The following CLASP1 variants were observed in gnomAD, a reference collection of about 807,000 sequenced individuals.
The protein encoded by CLASP1 is cytoplasmic linker associated protein 1.
A neutral mutation model predicts 192.3 loss-of-function variants in CLASP1; 38 were observed. The ratio of observed to expected loss-of-function variants is 0.20; its 90% CI spans 0.15 to 0.26. CLASP1 has a LOEUF of 0.26. Among genes scored for constraint, CLASP1 ranks in the 10% least tolerant of loss-of-function variants. CLASP1 has a pLI of 1.00. For missense variants in CLASP1, 1,433 were observed against 1,932.5 expected (o/e 0.74, Z 4.85); for synonymous variants, 691 against 712.8 (o/e 0.97, Z 0.49).
At chr2:121,502,568 A>T (rs966038160) in intron 8 of CLASP1, among the ~76,000 whole-genome samples, 1 of 152,232 alleles carries the variant, frequency 6.6e-6, no homozygotes, top group African/African-American at 2.4e-5. Context: ...AATGTTCAAA[A>T]TTAGCAAGGA....
intron 39 of CLASP1, among the ~76,000 whole-genome samples, chr2:121,343,083 C>T (rs1025680914): frequency 2.0e-5 from 3 of 152,030 alleles, no homozygotes; most frequent in African/African-American, 7.2e-5. Context: ...CATGCCAAGA[C>T]CGTTTAATAG....
At chr2:121,382,772 G>A (rs539717117) in intron 32 of CLASP1, among the ~76,000 whole-genome samples, 1 of 152,322 alleles carries the variant, frequency 6.6e-6, no homozygotes, top group South Asian at 2.1e-4. Flanking sequence ...TCGGACCAGA[G>A]GGACTCCAGC....
At chr2:121,480,425 A>G (rs985823039) in intron 8 of CLASP1, among the ~76,000 whole-genome samples, 1 of 152,180 alleles carries the variant, frequency 6.6e-6, no homozygotes, top group African/African-American at 2.4e-5. Flanking sequence ...CTGCTGCTAC[A>G]TAACTTATAA....
At chr2:121,630,465 C>T (rs1390861407) in intron 1 of CLASP1, among the ~76,000 whole-genome samples, 1 of 151,038 alleles carries the variant, frequency 6.6e-6, no homozygotes, top group Non-Finnish European at 1.5e-5. Context: ...TATCTAGTAC[C>T]CATCTCTAGA....
In CLASP1 at chr2:121,405,752, C is replaced by T. The variant is rs1157112224; in HGVS notation, c.2670-1318G>A. 3.9e-5 allele frequency among the ~76,000 whole-genome samples: 6 copies of T among 152,296 alleles called. 1 individual carries two copies. The highest frequency in any genetic ancestry group is 1.4e-4 in the African/African-American group (6 of 41,550). Reference sequence around the variant, plus strand: ...ATTAAACAGATTCTTGAGGAACAATCGTGACAAATCATCTTCTATTTTTGA... The same window carrying T: ...ATTAAACAGATTCTTGAGGAACAATTGTGACAAATCATCTTCTATTTTTGA... On this transcript the variant is annotated intron_variant, in intron 25 of 39. Coordinates refer to ENST00000263710, the Ensembl canonical transcript of CLASP1.
chr2:121,515,611 C>G (rs6711830), intron 7 of CLASP1, 54 bp downstream of exon 7: 204,087 of 1,317,554 alleles, frequency 0.15, 22,647 homozygotes, highest in African/African-American at 0.58. Context: ...AACTGGAAAA[C>G]AAAGGGGGCG....
rs548689649 is a variant in CLASP1 at position 121,388,948 on chromosome 2, G to T, written c.3124-1042C>A. ...ACATAGAATATTACACAAAAAATGT[G>T]CTTGCAGAGAAATTCTTTTGGAAAT... On this transcript the variant is annotated intron_variant, in intron 30 of 39. Coordinates refer to ENST00000263710, the Ensembl canonical transcript of CLASP1. Among the ~76,000 whole-genome samples the T allele has an allele frequency of 5.9e-5, 9 of 152,184 alleles. No individual in the cohort carries two copies. In the East Asian group the frequency reaches 1.7e-3, roughly 29 times the overall value.
chr2:121,470,832 T>C (rs1384308930), intron 8 of CLASP1, among the ~76,000 whole-genome samples: 3 of 152,210 alleles, frequency 2.0e-5, no homozygotes, highest in African/African-American at 7.2e-5. Flanking sequence ...ATTGCCAACA[T>C]TTAATATTAC....
At chr2:121,536,905 T>C (rs1296601516) in intron 2 of CLASP1, among the ~76,000 whole-genome samples, 2 of 152,226 alleles carry the variant, frequency 1.3e-5, no homozygotes, top group Admixed American at 6.5e-5. Context: ...TGCCGCTGAA[T>C]TGTACACAAA....
At chr2:121,558,809 T>G (rs1028197492) in intron 2 of CLASP1, among the ~76,000 whole-genome samples, 1 of 152,176 alleles carries the variant, frequency 6.6e-6, no homozygotes, top group Non-Finnish European at 1.5e-5. Context: ...ACAGTTAAGG[T>G]GATATATTCC....
chr2:121,591,954 C>T (rs149846496), intron 2 of CLASP1, among the ~76,000 whole-genome samples: 1 of 152,332 alleles, frequency 6.6e-6, no homozygotes, highest in African/African-American at 2.4e-5. Flanking sequence ...CCATTCTCTA[C>T]TTCGAGCCAT....
rs930293035 is a variant in CLASP1 at position 121,572,229 on chromosome 2, C to T, written c.195+33472G>A. Among the ~76,000 whole-genome samples the T allele has an allele frequency of 2.0e-5, 3 of 152,034 alleles. 1 individual carries two copies. The highest frequency in any genetic ancestry group is 7.2e-5 in the African/African-American group (3 of 41,404). On this transcript the variant is annotated intron_variant, in intron 2 of 39. Coordinates refer to ENST00000263710, the Ensembl canonical transcript of CLASP1. ...GGATCACGAGATCAGGAGATCGAGA[C>T]GATCCTGGCTAACACGGTGAAACCC... is the stretch of plus-strand genomic sequence containing the variant.
chr2:121,348,468 C>T (rs370307413), intron 38 of CLASP1, 44 bp downstream of exon 39: 4 of 1,538,324 alleles, frequency 2.6e-6, no homozygotes, highest in Non-Finnish European at 3.5e-6. Context: ...AGTTAGGCAA[C>T]CCCACACAGG....
At chr2:121,421,985 C>T (rs1385045691) in intron 22 of CLASP1, among the ~76,000 whole-genome samples, 1 of 152,150 alleles carries the variant, frequency 6.6e-6, no homozygotes, top group African/African-American at 2.4e-5. Context: ...GAAGAGAAGG[C>T]ATAAGAGGGA....
In CLASP1 at chr2:121,530,934, G is replaced by C. The variant is rs575472572; in HGVS notation, c.196-609C>G. On this transcript the variant is annotated intron_variant, in intron 2 of 39. Coordinates refer to ENST00000263710, the Ensembl canonical transcript of CLASP1. ...GTCCAATGAGCGCATAGTGAGGGCA[G>C]TACTGCTAACGCCTGAACAACACAC... 6 of 700,286 alleles carry C rather than the reference G, an allele frequency of 8.6e-6. No individual in the cohort carries two copies. Among genetic ancestry groups the C allele is most frequent in the East Asian group, 5.4e-5 (2 of 37,312 alleles). The allele number at this position is 700,286 out of a possible 1,614,324, so 43.4% of individuals were successfully genotyped here. A position where few individuals can be genotyped will look rare whatever the true frequency, so the allele number is the denominator to read the frequency against.
intron 14 of CLASP1, among the ~76,000 whole-genome samples, chr2:121,454,743 C>G (rs905662281): frequency 6.6e-6 from 1 of 152,136 alleles, no homozygotes; most frequent in Non-Finnish European, 1.5e-5. Context: ...TTGCAATGTT[C>G]CACAACAAAG....
chr2:121,430,042 G>A (rs2081124577), intron 20 of CLASP1, 31 bp downstream of exon 20: 5 of 1,469,914 alleles, frequency 3.4e-6, no homozygotes, highest in Non-Finnish European at 4.7e-6. Flanking sequence ...ATAAAACTGA[G>A]GTAAGCAAGA....
rs114353642 is a variant in CLASP1, at chr2:121,400,120, C to G, written c.2900+1389G>C. Among the ~76,000 whole-genome samples the G allele has an allele frequency of 4.9e-3, 750 of 152,246 alleles. 9 individuals are homozygous for G. Among genetic ancestry groups the G allele is most frequent in the African/African-American group, 0.018 (727 of 41,532 alleles). On this transcript the variant is annotated intron_variant, in intron 28 of 39. Coordinates refer to ENST00000263710, the Ensembl canonical transcript of CLASP1. ...TGGTATAATGGTGTACTGTAATGCT[C>G]CCTAACTCCACTAAGTTTAGCCATG...
chr2:121,461,970 G>A (rs1456750404), intron 10 of CLASP1, among the ~76,000 whole-genome samples: 1 of 152,142 alleles, frequency 6.6e-6, no homozygotes, highest in Non-Finnish European at 1.5e-5. Context: ...GACAGTAAGT[G>A]CCACAGGAAT....
Sources: gnomAD v4.1 joint callset for allele counts (sites outside exome capture counted in the v4.1 genomes callset) on GRCh38, gnomAD v4.1.1 for gene constraint, MANE v1.5 for transcripts, NCBI Gene and HGNC (gene_info 2026-07-23, HGNC 2026-07-21) for gene names.